The following PDGFD variants were observed in gnomAD, a reference collection of about 807,000 sequenced individuals.
PDGFD encodes the protein platelet derived growth factor D.
In PDGFD, 30 loss-of-function variants were observed where a neutral mutation model predicts 44.7. The observed-to-expected ratio is 0.67, with a 90% CI of 0.50 to 0.91. PDGFD has a LOEUF of 0.91. Among genes scored for constraint, PDGFD ranks in the 40% least tolerant of loss-of-function variants. The pLI, the probability that PDGFD is intolerant of heterozygous loss-of-function variation, is 0.00. For synonymous variants in PDGFD, 173 were observed against 168.4 expected (o/e 1.03, Z -0.21); for missense variants, 445 against 457.8 (o/e 0.97, Z 0.25).
intron 3 of PDGFD, among the ~76,000 whole-genome samples, chr11:103,956,335 A>AGTG (rs1389937383): frequency 6.6e-6 from 1 of 151,186 alleles, no homozygotes; most frequent in Non-Finnish European, 1.5e-5. Flanking sequence ...TCTTTGCGAT[A>AGTG]GATTACTGAG....
chr11:104,008,445 A>G (rs915432113), intron 1 of PDGFD, among the ~76,000 whole-genome samples: 4 of 152,180 alleles, frequency 2.6e-5, no homozygotes, highest in African/African-American at 9.7e-5. Context: ...TAAGAATACA[A>G]GTTGTTCAAA....
intron 1 of PDGFD, among the ~76,000 whole-genome samples, chr11:104,109,727 G>A (rs996834341): frequency 3.3e-5 from 5 of 152,026 alleles, no homozygotes; most frequent in African/African-American, 1.2e-4. Context: ...ATGAGTTATG[G>A]TTATATAGAA....
At chr11:104,089,062 A>C (rs1260469159) in intron 1 of PDGFD, among the ~76,000 whole-genome samples, 1 of 152,226 alleles carries the variant, frequency 6.6e-6, no homozygotes, top group East Asian at 1.9e-4. Flanking sequence ...TAAACATATG[A>C]ATCGTAAGTG....
intron 3 of PDGFD, among the ~76,000 whole-genome samples, chr11:103,993,912 G>C (rs567694785): frequency 1.4e-4 from 22 of 152,048 alleles, no homozygotes; most frequent in African/African-American, 5.3e-4. Context: ...CAAGAATGTT[G>C]TAATATCATC....
chr11:103,982,605 A>T (rs1469091410), intron 3 of PDGFD, among the ~76,000 whole-genome samples: 1 of 151,864 alleles, frequency 6.6e-6, no homozygotes, highest in East Asian at 1.9e-4. Context: ...GCATCCGAAT[A>T]GGAAGAGAGA....
chr11:103,916,942 T>G (rs912950758), intron 6 of PDGFD, among the ~76,000 whole-genome samples: 6 of 152,010 alleles, frequency 3.9e-5, no homozygotes, highest in Admixed American at 6.6e-5. Context: ...TGTTTGTGGG[T>G]GCGGGACTAG....
chr11:103,936,017 A>C (rs909651989), intron 5 of PDGFD, among the ~76,000 whole-genome samples: 7 of 152,202 alleles, frequency 4.6e-5, no homozygotes, highest in Admixed American at 4.6e-4. Flanking sequence ...ATTTATGCCA[A>C]ACAATTTTAA....
intron 1 of PDGFD, among the ~76,000 whole-genome samples, chr11:104,150,836 T>C (rs1301744102): frequency 6.6e-6 from 1 of 152,140 alleles, no homozygotes; most frequent in Non-Finnish European, 1.5e-5. Flanking sequence ...CAGGAAAATC[T>C]CCCATCTCAA....
intron 1 of PDGFD, among the ~76,000 whole-genome samples, chr11:104,075,713 T>C (rs1860947329): frequency 6.6e-6 from 1 of 152,088 alleles, no homozygotes; most frequent in Non-Finnish European, 1.5e-5. Flanking sequence ...CTGCAACCTG[T>C]CTCTCTCACC....
intron 6 of PDGFD, among the ~76,000 whole-genome samples, chr11:103,923,756 T>C (rs1452908913): frequency 6.6e-6 from 1 of 152,206 alleles, no homozygotes; most frequent in Non-Finnish European, 1.5e-5. Context: ...CTCAGGGGCA[T>C]ATGACAGGAG....
In PDGFD at chr11:104,000,230, G is replaced by A. The variant is rs746283229; in HGVS notation, c.150C>T (p.Tyr50=). ...RDESNHLTDL[Y]RRDETIQVKG... is the part of the protein sequence containing the mutation. ...TCACCTGGATGGTCTCATCTCTTCG[G>A]TACAAGTCTGTGAGGTGATTGCTCT... The change falls in exon 2 of 7, where the codon TAC becomes TAT. Residue 50 remains tyrosine (Y), a synonymous_variant. Coordinates refer to ENST00000393158, the MANE Select transcript of PDGFD (RefSeq NM_025208.5). 6.2e-7 allele frequency: 1 copy of A among 1,613,798 alleles called. No individual in the cohort carries two copies. The highest frequency in any genetic ancestry group is 8.5e-7 in the Non-Finnish European group (1 of 1,179,946).
chr11:104,157,404 C>T (rs1453417726), intron 1 of PDGFD, among the ~76,000 whole-genome samples: 1 of 152,170 alleles, frequency 6.6e-6, no homozygotes, highest in South Asian at 2.1e-4. Flanking sequence ...GAATGGGCCA[C>T]GTCTCTGTCT....
intron 1 of PDGFD, among the ~76,000 whole-genome samples, chr11:104,103,189 T>G (rs1861420276): frequency 6.6e-6 from 1 of 152,106 alleles, no homozygotes; most frequent in South Asian, 2.1e-4. Context: ...TTCCACCTCA[T>G]AGAGTAGTTT....
chr11:104,072,032 A>ACT (rs1860885590), intron 1 of PDGFD, among the ~76,000 whole-genome samples: 1 of 151,752 alleles, frequency 6.6e-6, no homozygotes, highest in Non-Finnish European at 1.5e-5. Context: ...TCTTTTGCAT[A>ACT]TTATTCTATT....
intron 1 of PDGFD, among the ~76,000 whole-genome samples, chr11:104,144,507 C>CAAAAAAAAA (rs201864924): frequency 6.2e-4 from 46 of 73,774 alleles, no homozygotes; most frequent in African/African-American, 2.1e-3. Flanking sequence ...ACTCCGTCAC[C>CAAAAAAAAA]AAAAAAAAAA....
chr11:103,925,761 T>C (rs2134309822), intron 6 of PDGFD, among the ~76,000 whole-genome samples: 1 of 146,336 alleles, frequency 6.8e-6, no homozygotes, highest in South Asian at 2.2e-4. Flanking sequence ...GAGATGGAGT[T>C]TCTTTTACCC....
At chr11:104,018,521 G>C (rs1037652570) in intron 1 of PDGFD, among the ~76,000 whole-genome samples, 2 of 152,130 alleles carry the variant, frequency 1.3e-5, no homozygotes, top group African/African-American at 4.8e-5. Flanking sequence ...CCCTGCAGTC[G>C]AACCCATGAC....
chr11:104,022,865 G>A (rs1859983826), intron 1 of PDGFD, among the ~76,000 whole-genome samples: 1 of 151,894 alleles, frequency 6.6e-6, no homozygotes, highest in African/African-American at 2.4e-5. Flanking sequence ...ATTTTTGCTG[G>A]TAAAGTTTCC....
chr11:104,054,986 T>C (rs1022812231), intron 1 of PDGFD, among the ~76,000 whole-genome samples: 1 of 152,190 alleles, frequency 6.6e-6, no homozygotes, highest in East Asian at 1.9e-4. Context: ...TTAGAACACA[T>C]TATGCAAGTA....
Sources: gnomAD v4.1 joint callset for allele counts (sites outside exome capture counted in the v4.1 genomes callset) on GRCh38, gnomAD v4.1.1 for gene constraint, MANE v1.5 for transcripts, NCBI Gene and HGNC (gene_info 2026-07-23, HGNC 2026-07-21) for gene names.